Variants in RELL1 observed in about 807,000 individuals in gnomAD.
RELL1 encodes the protein RELT-like protein 1.
In RELL1, 10 loss-of-function variants were observed where a neutral mutation model predicts 23.0. The observed-to-expected ratio is 0.43, with a 90% CI of 0.27 to 0.74. The LOEUF (loss-of-function observed/expected upper bound fraction) is 0.74. Among genes scored for constraint, RELL1 ranks in the 30% least tolerant of loss-of-function variants. RELL1 has a pLI of 0.19. For missense variants in RELL1, 315 were observed against 364.4 expected, an observed-to-expected ratio of 0.86 and a Z score of 1.10; for synonymous variants, 146 against 146.8, an observed-to-expected ratio of 0.99 and a Z score of 0.04.
At chr4:37,600,780 C>CGTGTGT (rs71189087) in intron 6 of RELL1, among the ~76,000 whole-genome samples, 32,412 of 147,334 alleles carry the variant, frequency 0.22, 3,925 homozygotes, top group Non-Finnish European at 0.28. Flanking sequence ...TGGATTTGTG[C>CGTGTGT]GTGTGTGTGT....
intron 6 of RELL1, among the ~76,000 whole-genome samples, chr4:37,621,348 C>T (rs151084484): frequency 0.031 from 4,644 of 151,976 alleles, 218 homozygotes; most frequent in East Asian, 0.25. Flanking sequence ...CCTAGCTACT[C>T]GGGAGGCTGA....
chr4:37,643,564 T>C (rs890755446), intron 3 of RELL1, among the ~76,000 whole-genome samples: 2 of 152,178 alleles, frequency 1.3e-5, no homozygotes, highest in Admixed American at 6.5e-5. Flanking sequence ...TATTCCTTTT[T>C]TAACGTAAAG....
chr4:37,627,247 G>A (rs1320634917), intron 6 of RELL1, among the ~76,000 whole-genome samples: 1 of 152,144 alleles, frequency 6.6e-6, no homozygotes, highest in Non-Finnish European at 1.5e-5. Flanking sequence ...CACTATCAGC[G>A]AATGGAACAA....
chr4:37,619,600 C>T (rs915862907), intron 6 of RELL1, among the ~76,000 whole-genome samples: 6 of 152,142 alleles, frequency 3.9e-5, no homozygotes, highest in African/African-American at 1.4e-4. Context: ...CAGAGTCTCT[C>T]TCTGTCACCC....
chr4:37,623,533 A>G (rs952443577), intron 6 of RELL1: 3 of 152,220 alleles, frequency 2.0e-5, no homozygotes, highest in African/African-American at 7.2e-5. Context: ...ATAGGATATT[A>G]TTACCTACAA....
intron 1 of RELL1, among the ~76,000 whole-genome samples, chr4:37,660,575 C>T (rs1721290780): frequency 6.6e-6 from 1 of 152,168 alleles, no homozygotes; most frequent in South Asian, 2.1e-4. Flanking sequence ...GGAAGAATTG[C>T]TATCAGAGCC....
intron 6 of RELL1, among the ~76,000 whole-genome samples, chr4:37,602,221 C>A (rs113480907): frequency 0.01 from 980 of 96,376 alleles, no homozygotes; most frequent in Non-Finnish European, 0.011. Context: ...TGTCTCAAAC[C>A]AAAAAAAAAA....
Position 37,614,484 on chromosome 4 carries a change from A to G in RELL1, c.*4-1142T>C, listed in dbSNP as rs112385530. 5.9e-3 allele frequency among the ~76,000 whole-genome samples: 898 copies of G among 152,292 alleles called. 5 individuals carry two copies. Among genetic ancestry groups the G allele is most frequent in the African/African-American group, 0.021 (859 of 41,560 alleles). On this transcript the variant is annotated intron_variant, in intron 6 of 6. Transcript: ENST00000454158. ...TAAAACAGCATGGATCAAGTTTTTA[A>G]TTCTAATGAAATACGTAATACCCTG...
chr4:37,677,234 TAGGCAGCAAGGCTG>T (rs1722049882), intron 1 of RELL1, among the ~76,000 whole-genome samples: 1 of 152,200 alleles, frequency 6.6e-6, no homozygotes, highest in Non-Finnish European at 1.5e-5. Context: ...AAACCTGCCA[TAGGCAGCAAGGCTG>T]GATCCACTTC....
chr4:37,663,132 G>C (rs1406526353), intron 1 of RELL1, among the ~76,000 whole-genome samples: 1 of 152,126 alleles, frequency 6.6e-6, no homozygotes, highest in Non-Finnish European at 1.5e-5. Flanking sequence ...TCAAGGACTG[G>C]GAGGGCTCCC....
At chr4:37,615,829 T>C (rs1360624498) in intron 6 of RELL1, among the ~76,000 whole-genome samples, 3 of 152,214 alleles carry the variant, frequency 2.0e-5, no homozygotes, top group Non-Finnish European at 4.4e-5. Flanking sequence ...AGAGGTTGTC[T>C]TTTTCTTTAG....
In RELL1 at chr4:37,634,886, CCTGCCAACAGAAAGGACCGTGA is replaced by C; in HGVS notation, c.659_680del (p.Val220AspfsTer19). The C allele has an allele frequency of 6.2e-7, 1 of 1,614,096 alleles. No individual in the cohort carries two copies. Among genetic ancestry groups the C allele is most frequent in the Non-Finnish European group, 8.5e-7 (1 of 1,179,878 alleles). On this transcript the variant is annotated frameshift_variant and splice_region_variant, in exon 5 of 7. Coordinates refer to ENST00000454158, the MANE Select transcript of RELL1 (RefSeq NM_001085400.2). LOFTEE classifies it high-confidence loss of function. The stretch of plus-strand genomic sequence containing the variant: ...ACCAAAAGCATCTGAAGGGATCTTA[CCTGCCAACAGAAAGGACCGTGA>C]CCTCGCCTTGGCGCCGTGGTCTGCT...
intron 1 of RELL1, 45 bp downstream of exon 1, chr4:37,686,155 G>T (rs1185640061): frequency 1.3e-6 from 2 of 1,502,328 alleles, no homozygotes; most frequent in African/African-American, 1.4e-5. Flanking sequence ...GCGCTCCCGG[G>T]ACCGGGCTCA....
chr4:37,649,287 A>C lies in RELL1; in HGVS notation c.302T>G (p.Val101Gly). ...CCCTGGTTATTTACCTATCTTTTCA[A>C]CCTTTTCCTCTTCGATATCTTGCTC... ...EAEQDIEEEK[V>G]EKIELNDSVN... Residue 101 changes from valine to glycine, a missense_variant, in exon 2 of 7, where the codon GTT becomes GGT. Coordinates refer to ENST00000454158, the MANE Select transcript of RELL1 (RefSeq NM_001085400.2). 1 of 1,613,962 alleles carries C rather than the reference A, an allele frequency of 6.2e-7. No homozygotes were observed. Among genetic ancestry groups the C allele is most frequent in the South Asian group, 1.1e-5 (1 of 91,048 alleles).
chr4:37,671,547 G>A (rs543079446), intron 1 of RELL1, among the ~76,000 whole-genome samples: 3 of 152,254 alleles, frequency 2.0e-5, no homozygotes, highest in African/African-American at 7.2e-5. Context: ...CCAGCACCAT[G>A]ACAGTTTACA....
chr4:37,662,795 T>A (rs1369735333), intron 1 of RELL1, among the ~76,000 whole-genome samples: 1 of 138,000 alleles, frequency 7.2e-6, no homozygotes, highest in Non-Finnish European at 1.6e-5. Flanking sequence ...ACCTCCCACC[T>A]CGCCCAAAGC....
chr4:37,677,466 G>C (rs1577611212), intron 1 of RELL1, among the ~76,000 whole-genome samples: 1 of 152,336 alleles, frequency 6.6e-6, no homozygotes, highest in South Asian at 2.1e-4. Context: ...GCCACGAGAA[G>C]ATGAACAATA....
intron 1 of RELL1, among the ~76,000 whole-genome samples, chr4:37,657,153 T>C (rs1721144999): frequency 6.6e-6 from 1 of 152,176 alleles, no homozygotes; most frequent in Non-Finnish European, 1.5e-5. Flanking sequence ...GAAGTAAACA[T>C]TCTTTAAAAA....
intron 1 of RELL1, among the ~76,000 whole-genome samples, chr4:37,681,535 T>G (rs1410514864): frequency 2.1e-5 from 3 of 141,736 alleles, no homozygotes; most frequent in South Asian, 2.3e-4. Context: ...TTTTTTTTTT[T>G]TTTTTTTTTT....
Sources: allele counts gnomAD v4.1 joint callset (sites outside exome capture counted in the v4.1 genomes callset), GRCh38; gene constraint gnomAD v4.1.1; transcripts MANE v1.5; gene names NCBI Gene and HGNC (gene_info 2026-07-23, HGNC 2026-07-21).